The following TMEM117 variants were observed in gnomAD, a reference collection of about 807,000 sequenced individuals.
TMEM117 encodes the protein transmembrane protein 117.
Under a neutral mutation model 52.4 loss-of-function variants are expected in TMEM117, and 27 were observed. The ratio of observed to expected loss-of-function variants is 0.51; its 90% confidence interval spans 0.38 to 0.71. The LOEUF (loss-of-function observed/expected upper bound fraction) is 0.71. Ranked by LOEUF, TMEM117 falls within the 30% of genes least tolerant of loss-of-function variation. TMEM117 has a pLI of 0.00. For synonymous variants in TMEM117, 215 were observed against 206.3 expected (o/e 1.04, Z -0.36); for missense variants, 556 against 630.5 (o/e 0.88, Z 1.26).
chr12:44,215,389 G>A lies in TMEM117; in HGVS notation c.608+4002G>A, dbSNP rs573659600. ...ACCTGGGCTTTCATATTGCAAGGGA[G>A]CCTAAATAGTGGCAATATTTGAAAG... On this transcript the variant is annotated intron_variant, in intron 5 of 7. Transcript: ENST00000266534. Among the ~76,000 whole-genome samples the A allele has an allele frequency of 2.0e-4, 30 of 152,254 alleles. No individual in the cohort carries two copies. The South Asian group carries it at 6.2e-3, about 32-fold the overall frequency.
At chr12:44,129,496 A>C (rs1948380210) in intron 3 of TMEM117, among the ~76,000 whole-genome samples, 1 of 152,100 alleles carries the variant, frequency 6.6e-6, no homozygotes, top group African/African-American at 2.4e-5. Flanking sequence ...TTCCTCAGTA[A>C]CTTTCTTATC....
chr12:43,899,218 T>C (rs1944264224), intron 2 of TMEM117, among the ~76,000 whole-genome samples: 10 of 152,230 alleles, frequency 6.6e-5, no homozygotes, highest in Admixed American at 6.5e-4. Flanking sequence ...TAGCTGCAAT[T>C]GAAAGCAGCC....
At chr12:44,083,496 G>A (rs1166966912) in intron 3 of TMEM117, 1 of 150,456 alleles carries the variant, frequency 6.6e-6, no homozygotes, top group Non-Finnish European at 1.5e-5. Flanking sequence ...CCACTTCCTG[G>A]GCTCAAGGTA....
At chr12:44,003,017 C>A (rs1351729243) in intron 3 of TMEM117, among the ~76,000 whole-genome samples, 1 of 152,158 alleles carries the variant, frequency 6.6e-6, no homozygotes, top group Non-Finnish European at 1.5e-5. Flanking sequence ...ACTAGGCCAT[C>A]ATTCTTTTTT....
chr12:44,200,127 CACAA>C (rs891863233), intron 4 of TMEM117, among the ~76,000 whole-genome samples: 32 of 152,054 alleles, frequency 2.1e-4, no homozygotes, highest in African/African-American at 4.1e-4. Flanking sequence ...TCAAAAAACA[CACAA>C]ACAAACAAAC....
chr12:44,294,305 A>T (rs980093285), intron 5 of TMEM117, among the ~76,000 whole-genome samples: 2 of 152,196 alleles, frequency 1.3e-5, no homozygotes, highest in Admixed American at 1.3e-4. Context: ...AAATTCTAAG[A>T]TTCCCAGTGG....
intron 6 of TMEM117, among the ~76,000 whole-genome samples, chr12:44,322,827 C>G (rs1592693000): frequency 6.6e-6 from 1 of 152,102 alleles, no homozygotes; most frequent in South Asian, 2.1e-4. Context: ...GGCCGGCCCC[C>G]CACCAAAAAA....
chr12:44,375,873 AC>A (rs1225286939), intron 6 of TMEM117, among the ~76,000 whole-genome samples: 2 of 152,162 alleles, frequency 1.3e-5, no homozygotes, highest in Non-Finnish European at 2.9e-5. Flanking sequence ...AGGAGGTGAG[AC>A]ACCTAAAAAT....
intron 6 of TMEM117, among the ~76,000 whole-genome samples, chr12:44,364,516 G>A (rs887233459): frequency 6.6e-6 from 1 of 151,826 alleles, no homozygotes; most frequent in Non-Finnish European, 1.5e-5. Context: ...AGGTTACATT[G>A]ACAATTCTAT....
Position 44,049,327 on chromosome 12 carries a change from A to G in TMEM117, c.411-94198A>G, listed in dbSNP as rs140005098. 1.4e-3 allele frequency among the ~76,000 whole-genome samples: 220 copies of G among 152,294 alleles called. 3 individuals carry two copies. The East Asian group carries it at 0.025, about 17-fold the overall frequency. On this transcript the variant is annotated intron_variant, in intron 3 of 7. Transcript: ENST00000266534. ...AACTAACACAGGAACAGAAAACCAA[A>G]CACCACATGTTCTCACTCATAAGTG...
At chr12:44,190,115 G>A (rs1381252195) in intron 4 of TMEM117, among the ~76,000 whole-genome samples, 1 of 152,178 alleles carries the variant, frequency 6.6e-6, no homozygotes, top group African/African-American at 2.4e-5. Context: ...AAGTAATAAT[G>A]AAAATGGTCA....
intron 5 of TMEM117, among the ~76,000 whole-genome samples, chr12:44,227,290 T>C (rs963609486): frequency 6.6e-6 from 1 of 152,012 alleles, no homozygotes; most frequent in Non-Finnish European, 1.5e-5. Flanking sequence ...CTGGACAACA[T>C]GGCAAAACCC....
At chr12:44,160,073 C>T (rs976840743) in intron 4 of TMEM117, among the ~76,000 whole-genome samples, 1 of 152,102 alleles carries the variant, frequency 6.6e-6, no homozygotes, top group African/African-American at 2.4e-5. Flanking sequence ...TGCTACTAGC[C>T]TGGAAAGCAA....
intron 5 of TMEM117, among the ~76,000 whole-genome samples, chr12:44,261,997 C>G (rs1299273930): frequency 6.6e-6 from 1 of 152,016 alleles, no homozygotes; most frequent in Admixed American, 6.6e-5. Context: ...ATGTAAACAG[C>G]CAATGTTTTT....
chr12:43,927,893 T>G (rs1944805767), intron 2 of TMEM117, among the ~76,000 whole-genome samples: 1 of 152,088 alleles, frequency 6.6e-6, no homozygotes, highest in Non-Finnish European at 1.5e-5. Flanking sequence ...ACTGGCAAGA[T>G]CAATATATTG....
At chr12:44,349,519 T>G (rs1396520247) in intron 6 of TMEM117, among the ~76,000 whole-genome samples, 1 of 152,038 alleles carries the variant, frequency 6.6e-6, no homozygotes, top group Non-Finnish European at 1.5e-5. Flanking sequence ...CCCTCCATTA[T>G]TAATCACAAC....
At chr12:43,999,583 TCCTACCA>T (rs1027990283) in intron 3 of TMEM117, among the ~76,000 whole-genome samples, 2 of 152,204 alleles carry the variant, frequency 1.3e-5, no homozygotes, top group African/African-American at 4.8e-5. Context: ...CGGAAGTGTT[TCCTACCA>T]CCTCAGCCTC....
At chr12:44,337,079 G>T (rs1951351181) in intron 6 of TMEM117, among the ~76,000 whole-genome samples, 1 of 152,006 alleles carries the variant, frequency 6.6e-6, no homozygotes, top group African/African-American at 2.4e-5. Flanking sequence ...AGAAGAAGCT[G>T]TCTTAGTCCA....
chr12:43,823,437 T>A, the TMEM117 span, among the ~76,000 whole-genome samples: 1 of 152,152 alleles, frequency 6.6e-6, no homozygotes, highest in Non-Finnish European at 1.5e-5. Flanking sequence ...ATAACTACAT[T>A]TTTTGGTGAG....
Sources: allele counts gnomAD v4.1 joint callset (sites outside exome capture counted in the v4.1 genomes callset), GRCh38; gene constraint gnomAD v4.1.1; transcripts MANE v1.5; gene names NCBI Gene and HGNC (gene_info 2026-07-23, HGNC 2026-07-21).